CUL4A: variants seen among roughly 807,000 people sequenced by gnomAD.
CUL4A encodes the protein cullin-4A.
A neutral mutation model predicts 95.5 loss-of-function variants in CUL4A; 16 were observed. That is an observed-to-expected ratio of 0.17 (90% confidence interval 0.11 to 0.25). The LOEUF is 0.25. CUL4A is among the 10% of genes least tolerant of loss of function. The pLI is 1.00. For synonymous variants in CUL4A, 380 were observed against 353.1 expected (o/e 1.08, Z -0.85); for missense variants, 610 against 937.0 (o/e 0.65, Z 4.56).
intron 15 of CUL4A, among the ~76,000 whole-genome samples, chr13:113,247,173 G>C (rs1446001490): frequency 6.6e-6 from 1 of 152,066 alleles, no homozygotes; most frequent in Non-Finnish European, 1.5e-5. Flanking sequence ...AGGGCGCCAG[G>C]CCATTCATGA....
chr13:113,247,205 A>G (rs921742617), intron 15 of CUL4A, among the ~76,000 whole-genome samples: 18 of 152,082 alleles, frequency 1.2e-4, no homozygotes, highest in African/African-American at 4.3e-4. Context: ...CCATGACCCA[A>G]ACACCTCCCA....
At chr13:113,232,418 CTAT>C (rs2041387008) in intron 5 of CUL4A, among the ~76,000 whole-genome samples, 3 of 109,852 alleles carry the variant, frequency 2.7e-5, no homozygotes, top group Admixed American at 9.0e-5. Flanking sequence ...ACCACTATTA[CTAT>C]TACTGCCACC....
Position 113,245,972 on chromosome 13 carries a change from G to A in CUL4A, c.1547G>A (p.Ser516Asn). Residue 516 changes from serine (S) to asparagine (N), a missense_variant, in exon 15 of 20, where the codon AGT becomes AAT. Ser to Asn is a conservative substitution (Grantham distance 46). Around this residue, in one of 10 missense-constraint regions of CUL4A, gnomAD observed 44 missense variants for 75.6 expected, o/e 0.58. Transcript: ENST00000375440. ...CTGTTTTAGCATATGCAGAATCAGA[G>A]TGACTCAGGCCCTATAGACCTCACA... ...VHFKQHMQNQ[S>N]DSGPIDLTVN... is the part of the protein sequence containing the mutation. The A allele has an allele frequency of 6.2e-7, 1 of 1,613,324 alleles. No homozygotes were observed. Among genetic ancestry groups the A allele is most frequent in the East Asian group, 2.2e-5 (1 of 44,870 alleles).
At chr13:113,258,854 G>A (rs548245241) in intron 18 of CUL4A, among the ~76,000 whole-genome samples, 18 of 152,336 alleles carry the variant, frequency 1.2e-4, no homozygotes, top group East Asian at 1.9e-4. Context: ...CTGCAGCATC[G>A]TTGCCAAAAG....
Position 113,225,896 on chromosome 13 carries a change from A to G in CUL4A, c.369-2080A>G, listed in dbSNP as rs576089771. On this transcript the variant is annotated intron_variant, in intron 3 of 19. Transcript: ENST00000375440. ...TCCAGAGGAACCTGTTAACCATTCAACCATTAGGTCTTTGCTGTAAGTGTC... is the reference window on the plus strand; with the variant it reads ...TCCAGAGGAACCTGTTAACCATTCAGCCATTAGGTCTTTGCTGTAAGTGTC... Among the ~76,000 whole-genome samples the G allele has an allele frequency of 2.0e-5, 3 of 152,294 alleles. No individual in the cohort carries two copies. The South Asian group carries it at 6.2e-4, about 32-fold the overall frequency.
intron 15 of CUL4A, among the ~76,000 whole-genome samples, chr13:113,252,444 G>T (rs1457496105): frequency 2.6e-5 from 4 of 152,136 alleles, no homozygotes; most frequent in African/African-American, 9.7e-5. Context: ...GGACACTGAG[G>T]CAGGTGGATC....
intron 10 of CUL4A, among the ~76,000 whole-genome samples, chr13:113,240,871 G>A (rs2041689083): frequency 6.6e-6 from 1 of 152,214 alleles, no homozygotes; most frequent in African/African-American, 2.4e-5. Context: ...CCCCAGCTGA[G>A]ACACTGTTGT....
intron 15 of CUL4A, among the ~76,000 whole-genome samples, chr13:113,251,956 G>A (rs975908081): frequency 2.0e-5 from 3 of 152,190 alleles, no homozygotes; most frequent in Non-Finnish European, 4.4e-5. Flanking sequence ...ATGGTCTCCT[G>A]AGGCGAAACT....
intron 5 of CUL4A, chr13:113,229,795 C>T (rs1281124497): frequency 1.1e-5 from 5 of 470,264 alleles, no homozygotes; most frequent in East Asian, 3.3e-5. Context: ...TTCTCTCTGA[C>T]GACTGGAGGT....
At chr13:113,227,219 A>G (rs550370114) in intron 3 of CUL4A, among the ~76,000 whole-genome samples, 7 of 152,206 alleles carry the variant, frequency 4.6e-5, no homozygotes, top group Non-Finnish European at 8.8e-5. Flanking sequence ...ATGACAAAAC[A>G]CCATAGAGTG....
At position 113,232,221 on chromosome 13, in the gene CUL4A, GCCA is replaced by G. The variant is rs1222491162; in HGVS notation, c.513-951_513-949del. On this transcript the variant is annotated intron_variant, in intron 5 of 19. Transcript: ENST00000375440. ...CTACCCGCCCACCACCATTACTGCT[GCCA>G]CCACTACCCGCCCACCACCATTACT... 2.4e-3 allele frequency among the ~76,000 whole-genome samples: 17 copies of G among 7,106 alleles called. 6 individuals carry two copies. The highest frequency in any genetic ancestry group is 6.0e-3 in the East Asian group (2 of 336). The allele number at this position is 7,106 out of a possible 152,430, so 4.7% of individuals were successfully genotyped here.
At position 113,260,211 on chromosome 13, in the gene CUL4A, A is replaced by AAAAAAACAAAACAAAAC. The variant is rs1555307267; in HGVS notation, c.2032-390_2032-389insCAAAACAAAACAAAAAA. Among the ~76,000 whole-genome samples, 99 of 119,526 alleles carry AAAAAAACAAAACAAAAC rather than the reference A, an allele frequency of 8.3e-4. 18 individuals are homozygous for AAAAAAACAAAACAAAAC. Among genetic ancestry groups the AAAAAAACAAAACAAAAC allele is most frequent in the African/African-American group, 3.4e-3 (93 of 27,714 alleles). The allele number at this position is 119,526 out of a possible 152,430, so 78.4% of individuals were successfully genotyped here. On this transcript the variant is annotated intron_variant, in intron 18 of 19. Coordinates refer to ENST00000375440, the MANE Select transcript of CUL4A (RefSeq NM_001008895.4). ...AGAGTGAGACTCCGTCTCAAAAAAA[A>AAAAAAACAAAACAAAAC]AAAAAAAACCATTTCCCATCAAATT...
chr13:113,227,715 C>T (rs529900867), intron 3 of CUL4A, among the ~76,000 whole-genome samples: 10 of 152,120 alleles, frequency 6.6e-5, no homozygotes, highest in African/African-American at 2.4e-4. Context: ...ATCAGCCTGA[C>T]CAACATGGTG....
chr13:113,258,468 T>G (rs544928275), intron 18 of CUL4A, among the ~76,000 whole-genome samples: 1 of 152,362 alleles, frequency 6.6e-6, no homozygotes, highest in African/African-American at 2.4e-5. Context: ...CATACATATG[T>G]GTATATATGT....
intron 2 of CUL4A, among the ~76,000 whole-genome samples, chr13:113,213,804 C>T (rs565356022): frequency 6.6e-6 from 1 of 152,330 alleles, no homozygotes; most frequent in African/African-American, 2.4e-5. Flanking sequence ...ATTCCAGGGG[C>T]ATCTCTGGAG....
At chr13:113,253,658 C>T (rs1235812661) in intron 16 of CUL4A, among the ~76,000 whole-genome samples, 1 of 152,152 alleles carries the variant, frequency 6.6e-6, no homozygotes, top group Non-Finnish European at 1.5e-5. Flanking sequence ...GCATTGTGAA[C>T]TTTGGCAACC....
At chr13:113,228,625 T>C (rs1290485059) in intron 4 of CUL4A, among the ~76,000 whole-genome samples, 1 of 151,890 alleles carries the variant, frequency 6.6e-6, no homozygotes, top group Non-Finnish European at 1.5e-5. Flanking sequence ...TGAGATGCGT[T>C]CACAAGTCTC....
At chr13:113,248,432 C>G (rs1234977871) in intron 15 of CUL4A, among the ~76,000 whole-genome samples, 3 of 152,144 alleles carry the variant, frequency 2.0e-5, no homozygotes, top group Non-Finnish European at 1.5e-5. Context: ...GTGAGCCACC[C>G]TTAACACTGG....
chr13:113,209,014 A>T (rs1567001023), upstream of CUL4A: 3 of 638,306 alleles, frequency 4.7e-6, no homozygotes, highest in Non-Finnish European at 5.8e-6. Context: ...TGGCTGGGCC[A>T]GGGCCTCGGG....
Sources: gnomAD v4.1 joint callset for allele counts (sites outside exome capture counted in the v4.1 genomes callset) on GRCh38, gnomAD v4.1.1 for gene constraint, gnomAD v4.1.1 regional missense constraint, MANE v1.5 for transcripts, NCBI Gene and HGNC (gene_info 2026-07-23, HGNC 2026-07-21) for gene names.